Variants in STK32A observed in about 807,000 individuals in gnomAD.
STK32A encodes the protein serine/threonine-protein kinase 32A.
STK32A carries 41 observed loss-of-function variants against 53.2 expected under a neutral mutation model. The observed-to-expected ratio is 0.77, with a 90% CI of 0.60 to 1.00. The LOEUF (loss-of-function observed/expected upper bound fraction) is 1.00. Among genes scored for constraint, STK32A ranks in the 50% least tolerant of loss-of-function variants. The pLI, the probability that STK32A is intolerant of heterozygous loss-of-function variation, is 0.00. For synonymous variants in STK32A, 166 were observed against 162.8 expected, an observed-to-expected ratio of 1.02 and a Z score of -0.15; for missense variants, 458 against 485.8, an observed-to-expected ratio of 0.94 and a Z score of 0.54.
chr5:147,312,618 T>G (rs756348340), intron 4 of STK32A, among the ~76,000 whole-genome samples: 2 of 152,186 alleles, frequency 1.3e-5, no homozygotes, highest in Non-Finnish European at 2.9e-5. Context: ...TGGAAAAGCT[T>G]TGTAAGGCTG....
chr5:147,320,811 G>A (rs1056687322), intron 4 of STK32A, among the ~76,000 whole-genome samples: 7 of 151,866 alleles, frequency 4.6e-5, no homozygotes, highest in South Asian at 2.1e-4. Context: ...TGAAGGGGGC[G>A]TGAATTGCTA....
At chr5:147,350,512 T>C (rs1237578854) in intron 6 of STK32A, among the ~76,000 whole-genome samples, 2 of 151,630 alleles carry the variant, frequency 1.3e-5, no homozygotes, top group Admixed American at 6.6e-5. Flanking sequence ...CAGGCACCCA[T>C]CACCACGCCC....
chr5:147,356,004 G>A (rs1349340670), intron 7 of STK32A, among the ~76,000 whole-genome samples: 2 of 151,876 alleles, frequency 1.3e-5, no homozygotes, highest in Non-Finnish European at 2.9e-5. Context: ...GCATCATATA[G>A]TGAACATTTA....
chr5:147,277,442 G>A (rs1342280699), intron 2 of STK32A, among the ~76,000 whole-genome samples: 1 of 152,138 alleles, frequency 6.6e-6, no homozygotes, highest in Non-Finnish European at 1.5e-5. Flanking sequence ...CAGACGTGGA[G>A]GATCGACTCT....
At chr5:147,393,880 G>T in the STK32A span, 1 of 748,242 alleles carries the variant, frequency 1.3e-6, no homozygotes. Flanking sequence ...AGCTAGGCAA[G>T]CGAGCGTAAC....
At chr5:147,253,713 T>G (rs1754099740) in intron 2 of STK32A, among the ~76,000 whole-genome samples, 2 of 152,276 alleles carry the variant, frequency 1.3e-5, no homozygotes, top group South Asian at 4.1e-4. Flanking sequence ...CAGAATAATT[T>G]CAAGAAGGAT....
intron 4 of STK32A, among the ~76,000 whole-genome samples, chr5:147,317,529 G>A (rs1008323374): frequency 2.6e-5 from 4 of 151,834 alleles, no homozygotes; most frequent in African/African-American, 2.4e-5. Flanking sequence ...GTTTCACCAT[G>A]TTGGTAAGCC....
chr5:147,384,187 T>C lies in STK32A; in HGVS notation c.*204T>C. 15 of 1,429,834 alleles carry C rather than the reference T, an allele frequency of 1.0e-5. No individual in the cohort carries two copies. The highest frequency in any genetic ancestry group is 1.3e-5 in the Non-Finnish European group (14 of 1,103,244). 88.6% of individuals were successfully genotyped at this position (1,429,834 alleles called of 1,614,324 possible). On this transcript the variant is annotated 3_prime_UTR_variant, in exon 13 of 13. Transcript: ENST00000397936. ...TGTCATTTCACATCAATCAACTGTGTGATCTAGAGCAAGTCACTTAGCCAC... is the reference window on the plus strand; with the variant it reads ...TGTCATTTCACATCAATCAACTGTGCGATCTAGAGCAAGTCACTTAGCCAC...
intron 6 of STK32A, among the ~76,000 whole-genome samples, chr5:147,345,115 G>C (rs1429776073): frequency 6.6e-6 from 1 of 152,090 alleles, no homozygotes; most frequent in Non-Finnish European, 1.5e-5. Flanking sequence ...GTGACTTCTG[G>C]AGCCAGATTG....
chr5:147,294,380 G>A (rs1195464900), intron 4 of STK32A, among the ~76,000 whole-genome samples: 3 of 152,056 alleles, frequency 2.0e-5, no homozygotes, highest in Non-Finnish European at 2.9e-5. Flanking sequence ...TTCTGCCTCA[G>A]CCTCCCGAGT....
chr5:147,375,037 T>C (rs1387417653), intron 10 of STK32A, 53 bp from the exon 11 acceptor site: 1 of 1,530,554 alleles, frequency 6.5e-7, no homozygotes. Flanking sequence ...GTCTGCTGTG[T>C]TTTTCAGAAT....
intron 6 of STK32A, among the ~76,000 whole-genome samples, chr5:147,348,282 C>A (rs1413770287): frequency 6.6e-6 from 1 of 152,216 alleles, no homozygotes; most frequent in African/African-American, 2.4e-5. Flanking sequence ...ACTCAACATT[C>A]TTTCAACTGA....
chr5:147,308,666 C>T (rs1753542220), intron 4 of STK32A, among the ~76,000 whole-genome samples: 1 of 150,934 alleles, frequency 6.6e-6, no homozygotes, highest in Non-Finnish European at 1.5e-5. Flanking sequence ...TTGCTGTAGG[C>T]TATTTGTAGA....
rs531033899 is a variant in STK32A at position 147,366,042 on chromosome 5, C to T, written c.660+4428C>T. The stretch of plus-strand genomic sequence containing the variant: ...GTTGCTCCCCAGTGCTACACACACA[C>T]ACACACACACATACACATACACACC... On this transcript the variant is annotated intron_variant, in intron 8 of 12. Coordinates refer to ENST00000397936, the MANE Select transcript of STK32A (RefSeq NM_001112724.2). 9.9e-4 allele frequency among the ~76,000 whole-genome samples: 151 copies of T among 152,196 alleles called. 5 individuals are homozygous for T. In the East Asian group the frequency reaches 0.026, roughly 26 times the overall value.
At chr5:147,394,680 AAC>A in the STK32A span, among the ~76,000 whole-genome samples, 1 of 138,224 alleles carries the variant, frequency 7.2e-6, no homozygotes, top group African/African-American at 2.8e-5. Flanking sequence ...GAACAACAAC[AAC>A]AAAAAAAAAA....
intron 7 of STK32A, among the ~76,000 whole-genome samples, chr5:147,356,584 T>C (rs10041912): frequency 0.18 from 27,940 of 152,010 alleles, 2,874 homozygotes; most frequent in East Asian, 0.29. Flanking sequence ...ATGCCTCTGC[T>C]AAAATAGAAA....
chr5:147,377,094 G>A (rs1757261244), intron 11 of STK32A, among the ~76,000 whole-genome samples: 1 of 152,060 alleles, frequency 6.6e-6, no homozygotes, highest in Non-Finnish European at 1.5e-5. Context: ...AGTTCCTTCT[G>A]AGCACTGCCT....
chr5:147,340,478 G>A (rs2151987179), intron 5 of STK32A, among the ~76,000 whole-genome samples: 1 of 152,236 alleles, frequency 6.6e-6, no homozygotes, highest in Non-Finnish European at 1.5e-5. Context: ...AAGAAGTGAT[G>A]CTAAAATTTA....
At chr5:147,364,072 G>A (rs972341696) in intron 8 of STK32A, among the ~76,000 whole-genome samples, 1 of 151,756 alleles carries the variant, frequency 6.6e-6, no homozygotes, top group Non-Finnish European at 1.5e-5. Context: ...AAAATTAGCC[G>A]GGCATGGTGG....
Sources: gnomAD v4.1 joint callset for allele counts (sites outside exome capture counted in the v4.1 genomes callset) on GRCh38, gnomAD v4.1.1 for gene constraint, MANE v1.5 for transcripts, NCBI Gene and HGNC (gene_info 2026-07-23, HGNC 2026-07-21) for gene names.